Variants in EYA1 observed in about 807,000 individuals in gnomAD.
EYA1 encodes EYA transcriptional coactivator and phosphatase 1, also known as protein phosphatase EYA1.
EYA1 carries 16 observed loss-of-function variants against 82.0 expected under a neutral mutation model. That is an observed-to-expected ratio of 0.20 (90% CI 0.13 to 0.30). EYA1 has a LOEUF of 0.30. Among genes scored for constraint, EYA1 ranks in the 10% least tolerant of loss-of-function variants. EYA1 has a pLI of 1.00. For synonymous variants in EYA1, 261 were observed against 264.4 expected (o/e 0.99, Z 0.12); for missense variants, 633 against 730.7 (o/e 0.87, Z 1.54).
chr8:71,458,729 A>C (rs979022582), intron 2 of EYA1, among the ~76,000 whole-genome samples: 1 of 152,192 alleles, frequency 6.6e-6, no homozygotes, highest in Non-Finnish European at 1.5e-5. Context: ...GATAAAGAAG[A>C]GTGGGGTAGA....
At chr8:71,401,353 T>C (rs1207163642) in intron 2 of EYA1, among the ~76,000 whole-genome samples, 1 of 152,226 alleles carries the variant, frequency 6.6e-6, no homozygotes, top group Non-Finnish European at 1.5e-5. Context: ...AACAAGAAGA[T>C]TTCAATTTTA....
intron 7 of EYA1, among the ~76,000 whole-genome samples, chr8:71,300,829 CA>C (rs908553264): frequency 5.9e-5 from 9 of 151,736 alleles, no homozygotes; most frequent in Non-Finnish European, 1.0e-4. Flanking sequence ...TTTGTGAAAG[CA>C]AAAACTAAAA....
At chr8:71,527,022 A>T (rs1474739421) in intron 2 of EYA1, among the ~76,000 whole-genome samples, 1 of 152,260 alleles carries the variant, frequency 6.6e-6, no homozygotes, top group Non-Finnish European at 1.5e-5. Context: ...GATACTATAC[A>T]TAAATAAAAT....
At chr8:71,338,201 G>A (rs79910063) in intron 3 of EYA1, among the ~76,000 whole-genome samples, 2,508 of 152,336 alleles carry the variant, frequency 0.016, 68 homozygotes, top group African/African-American at 0.057. Context: ...TCAGCCATGA[G>A]GCCACACTTC....
At chr8:71,532,978 A>T (rs894893434) in intron 2 of EYA1, among the ~76,000 whole-genome samples, 1 of 152,252 alleles carries the variant, frequency 6.6e-6, no homozygotes, top group African/African-American at 2.4e-5. Context: ...GTGCAACATC[A>T]CTGATGACTC....
At chr8:71,492,195 C>A (rs1811052374) in intron 2 of EYA1, among the ~76,000 whole-genome samples, 2 of 152,206 alleles carry the variant, frequency 1.3e-5, no homozygotes, top group South Asian at 4.1e-4. Context: ...TCGGTAACTG[C>A]CCCTGGCACA....
chr8:71,439,039 C>T (rs1169574993), intron 2 of EYA1, among the ~76,000 whole-genome samples: 1 of 152,054 alleles, frequency 6.6e-6, no homozygotes, highest in Non-Finnish European at 1.5e-5. Flanking sequence ...AAGGAGCAAA[C>T]CAAGCAGGGA....
intron 2 of EYA1, among the ~76,000 whole-genome samples, chr8:71,393,680 T>A (rs535193245): frequency 6.6e-6 from 1 of 152,340 alleles, no homozygotes; most frequent in African/African-American, 2.4e-5. Context: ...CACATTTTCT[T>A]AATCCAGTCT....
Position 71,216,819 on chromosome 8 carries a change from A to C in EYA1, c.1233T>G (p.Ala411=). The C allele has an allele frequency of 1.2e-6, 2 of 1,614,198 alleles. No individual in the cohort carries two copies. The highest frequency in any genetic ancestry group is 1.7e-6 in the Non-Finnish European group (2 of 1,180,016). ...AACATAAGTTAGCACTGGTTGCTGCAGCAGGAAAGCCATCTGTTCCAAAGT... is the reference window on the plus strand; with the variant it reads ...AACATAAGTTAGCACTGGTTGCTGCCGCAGGAAAGCCATCTGTTCCAAAGT... The part of the protein sequence containing the change: ...TYNFGTDGFP[A]AATSANLCLA... Residue 411 remains alanine, a synonymous_variant, in exon 14 of 18, where the codon GCT becomes GCG. Transcript: ENST00000340726.
intron 2 of EYA1, among the ~76,000 whole-genome samples, chr8:71,380,576 A>G (rs904640707): frequency 6.6e-6 from 1 of 152,108 alleles, no homozygotes; most frequent in Non-Finnish European, 1.5e-5. Flanking sequence ...CTCCTCATTC[A>G]TGCATTTGTG....
chr8:71,334,204 T>A (rs1824218561), intron 3 of EYA1, 30 bp from the exon 4 acceptor site: 1 of 1,434,916 alleles, frequency 7.0e-7, no homozygotes, highest in Admixed American at 1.7e-5. Flanking sequence ...ACATCGATAT[T>A]GAATTAATAG....
chr8:71,317,136 T>C (rs1822011656), intron 7 of EYA1, among the ~76,000 whole-genome samples: 1 of 152,182 alleles, frequency 6.6e-6, no homozygotes, highest in Non-Finnish European at 1.5e-5. Flanking sequence ...AAGCTTCACT[T>C]CATAATGAAA....
At position 71,334,161 on chromosome 8, in the gene EYA1, T is replaced by C; in HGVS notation, c.138A>G (p.Pro46=). The stretch of plus-strand genomic sequence containing the variant: ...TTGAAGCTGTTTCACTGCTGCTCAT[T>C]GGCTCTGTTTTAACTACAAAAATAA... ...TPNGTEVKTE[P]MSSSETASTT... The change falls in exon 4 of 18, where the codon CCA becomes CCG. Residue 46 remains proline (P), a synonymous_variant. Transcript: ENST00000340726. 6.2e-7 allele frequency: 1 copy of C among 1,613,068 alleles called. No homozygotes were observed. Among genetic ancestry groups the C allele is most frequent in the South Asian group, 1.1e-5 (1 of 91,068 alleles).
intron 3 of EYA1, among the ~76,000 whole-genome samples, chr8:71,339,772 A>T (rs1824913931): frequency 6.6e-6 from 1 of 152,168 alleles, no homozygotes; most frequent in Admixed American, 6.5e-5. Flanking sequence ...ACTTTCCTCC[A>T]TGGTATAGAA....
At chr8:71,488,526 A>C (rs1011630281) in intron 2 of EYA1, among the ~76,000 whole-genome samples, 2 of 152,242 alleles carry the variant, frequency 1.3e-5, no homozygotes, top group Non-Finnish European at 2.9e-5. Context: ...CCCACTTAGA[A>C]GCACAGCCGA....
intron 2 of EYA1, among the ~76,000 whole-genome samples, chr8:71,380,238 T>C (rs902169823): frequency 2.6e-5 from 4 of 152,272 alleles, no homozygotes; most frequent in African/African-American, 9.6e-5. Flanking sequence ...TATACTATTA[T>C]GCATGGTTTG....
upstream of EYA1, chr8:71,362,099 A>G (rs1827445557): frequency 1.1e-6 from 1 of 912,942 alleles, no homozygotes; most frequent in Non-Finnish European, 1.3e-6. Flanking sequence ...GCAGAATCTC[A>G]TCCCTCGATT....
chr8:71,370,836 G>A (rs758087877), intron 2 of EYA1, among the ~76,000 whole-genome samples: 13 of 151,788 alleles, frequency 8.6e-5, no homozygotes, highest in Non-Finnish European at 1.6e-4. Context: ...TGTTGCCCAG[G>A]CAAGTCTCAA....
intron 2 of EYA1, among the ~76,000 whole-genome samples, chr8:71,381,044 A>G (rs953023695): frequency 1.3e-5 from 2 of 152,222 alleles, no homozygotes; most frequent in Admixed American, 1.3e-4. Context: ...ACCCTTCAAC[A>G]GTTCACAAGA....
Sources: gnomAD v4.1 joint callset for allele counts (sites outside exome capture counted in the v4.1 genomes callset) on GRCh38, gnomAD v4.1.1 for gene constraint, MANE v1.5 for transcripts, NCBI Gene and HGNC (gene_info 2026-07-23, HGNC 2026-07-21) for gene names.